NDFIP1: variants seen among roughly 807,000 people sequenced by gnomAD.
The protein encoded by NDFIP1 is NEDD4 family-interacting protein 1.
A neutral mutation model predicts 28.8 loss-of-function variants in NDFIP1; 7 were observed. That is an observed-to-expected ratio of 0.24 (90% CI 0.14 to 0.46). The LOEUF (loss-of-function observed/expected upper bound fraction) is 0.46, where lower values mean the gene tolerates loss of function less well. Among genes scored for constraint, NDFIP1 ranks in the 20% least tolerant of loss-of-function variants. NDFIP1 has a pLI of 0.99. For synonymous variants in NDFIP1, 92 were observed against 101.0 expected (o/e 0.91, Z 0.53); for missense variants, 194 against 269.1 (o/e 0.72, Z 1.95).
intron 1 of NDFIP1, among the ~76,000 whole-genome samples, chr5:142,116,308 A>G (rs987649296): frequency 3.3e-5 from 5 of 151,116 alleles, no homozygotes; most frequent in Admixed American, 2.6e-4. Context: ...CTTCATATGT[A>G]TATTTATTTA....
chr5:142,146,230 A>G (rs1385061325), intron 7 of NDFIP1, among the ~76,000 whole-genome samples: 1 of 152,228 alleles, frequency 6.6e-6, no homozygotes, highest in Non-Finnish European at 1.5e-5. Flanking sequence ...TTATTAAAAA[A>G]CAGGAATCTT....
intron 1 of NDFIP1, among the ~76,000 whole-genome samples, chr5:142,115,844 C>T (rs1460422524): frequency 1.3e-5 from 2 of 151,998 alleles, no homozygotes; most frequent in African/African-American, 4.8e-5. Flanking sequence ...CAGATTCAAC[C>T]AACTGCAGAT....
At chr5:142,150,005 C>A (rs958366196) in intron 7 of NDFIP1, among the ~76,000 whole-genome samples, 4 of 152,012 alleles carry the variant, frequency 2.6e-5, no homozygotes, top group Non-Finnish European at 5.9e-5. Context: ...CACAGTGAAA[C>A]CCCGTCTCTA....
rs191305750 is a variant in NDFIP1, at chr5:142,141,398, G to C, written c.562+769G>C. On this transcript the variant is annotated intron_variant, in intron 6 of 7. Coordinates refer to ENST00000253814, the MANE Select transcript of NDFIP1 (RefSeq NM_030571.4). Reference sequence around the variant, plus strand: ...TTACCGTGTTGGCCAGGATGGTCTCGATCTCCTGACTTTGTGATCCGCCCG... The same window carrying C: ...TTACCGTGTTGGCCAGGATGGTCTCCATCTCCTGACTTTGTGATCCGCCCG... Among the ~76,000 whole-genome samples the C allele has an allele frequency of 2.2e-4, 33 of 151,628 alleles. 1 individual carries two copies. The highest frequency in any genetic ancestry group is 6.3e-4 in the South Asian group (3 of 4,798).
intron 1 of NDFIP1, among the ~76,000 whole-genome samples, chr5:142,118,337 T>G (rs1449680549): frequency 4.6e-5 from 7 of 152,212 alleles, no homozygotes; most frequent in Non-Finnish European, 8.8e-5. Flanking sequence ...TCTCAAACTT[T>G]CCTTGTTTTT....
chr5:142,150,366 C>G (rs1757433435), intron 7 of NDFIP1, among the ~76,000 whole-genome samples: 1 of 151,706 alleles, frequency 6.6e-6, no homozygotes, highest in South Asian at 2.1e-4. Flanking sequence ...CGAGGTCTTT[C>G]AATCTCTTAT....
intron 6 of NDFIP1, among the ~76,000 whole-genome samples, chr5:142,141,249 C>T (rs1167924377): frequency 1.4e-5 from 2 of 138,386 alleles, no homozygotes; most frequent in African/African-American, 5.4e-5. Context: ...GATCTCGGCT[C>T]ACTGCAAGCT....
chr5:142,114,090 A>G (rs1028707221), intron 1 of NDFIP1, among the ~76,000 whole-genome samples: 3 of 152,220 alleles, frequency 2.0e-5, no homozygotes, highest in African/African-American at 7.2e-5. Context: ...TTGCTGGGTC[A>G]TACGGCAATT....
chr5:142,120,207 C>T (rs1375744343), intron 1 of NDFIP1, among the ~76,000 whole-genome samples: 2 of 152,210 alleles, frequency 1.3e-5, no homozygotes, highest in African/African-American at 2.4e-5. Flanking sequence ...CTGCCCACCT[C>T]AGCCTCCCAA....
intron 1 of NDFIP1, among the ~76,000 whole-genome samples, chr5:142,118,379 C>G (rs1438988463): frequency 3.3e-5 from 5 of 152,066 alleles, no homozygotes; most frequent in African/African-American, 4.8e-5. Flanking sequence ...GAGTATTGGT[C>G]AGGTCTTTGT....
At chr5:142,122,911 C>G (rs1028060991) in intron 1 of NDFIP1, among the ~76,000 whole-genome samples, 2 of 152,070 alleles carry the variant, frequency 1.3e-5, no homozygotes, top group Non-Finnish European at 2.9e-5. Flanking sequence ...TTTCTTTTCA[C>G]TTTCCTAATG....
At chr5:142,131,570 TAGG>T (rs1221963795) in intron 1 of NDFIP1, among the ~76,000 whole-genome samples, 2 of 152,236 alleles carry the variant, frequency 1.3e-5, no homozygotes, top group African/African-American at 4.8e-5. Flanking sequence ...GATTGGAATT[TAGG>T]TTGTTTCTAA....
intron 1 of NDFIP1, among the ~76,000 whole-genome samples, chr5:142,128,813 G>GT (rs1408219978): frequency 6.6e-6 from 1 of 152,128 alleles, no homozygotes; most frequent in African/African-American, 2.4e-5. Flanking sequence ...ACCTGGAAGT[G>GT]TTTTTTTCCT....
chr5:142,130,696 CA>C (rs11405616), intron 1 of NDFIP1, among the ~76,000 whole-genome samples: 37 of 145,582 alleles, frequency 2.5e-4, no homozygotes, highest in Admixed American at 3.4e-4. Context: ...CCTGTCTCTC[CA>C]AAAAAAAAAA....
At chr5:142,130,815 C>T (rs1374782596) in intron 1 of NDFIP1, among the ~76,000 whole-genome samples, 5 of 152,072 alleles carry the variant, frequency 3.3e-5, no homozygotes, top group African/African-American at 7.2e-5. Flanking sequence ...CAGTGTTGAA[C>T]TGTAAATGTC....
intron 1 of NDFIP1, among the ~76,000 whole-genome samples, chr5:142,114,740 A>G (rs1193887453): frequency 1.3e-5 from 2 of 152,176 alleles, no homozygotes; most frequent in African/African-American, 4.8e-5. Flanking sequence ...TGGAAACAGG[A>G]TTTGTCAGTG....
intron 1 of NDFIP1, among the ~76,000 whole-genome samples, chr5:142,120,030 A>T (rs1757107456): frequency 6.6e-6 from 1 of 152,178 alleles, no homozygotes; most frequent in Non-Finnish European, 1.5e-5. Context: ...ATCTCAGCTC[A>T]CTGCAATCTC....
rs151047527 is a variant in NDFIP1, at chr5:142,138,130, G to A, written c.495+272G>A. ...TTTTTAATGTTTATAATATGATAAT[G>A]TATATGTTCTGAAATTAGTTGTTTT... On this transcript the variant is annotated intron_variant, in intron 5 of 7. Transcript: ENST00000253814. The A allele has an allele frequency of 2.2e-4, 54 of 246,960 alleles. 1 individual carries two copies. Among genetic ancestry groups the A allele is most frequent in the African/African-American group, 1.2e-3 (52 of 44,912 alleles). 15.3% of individuals were successfully genotyped at this position (246,960 alleles called of 1,614,324 possible).
At chr5:142,123,376 C>T (rs1039201611) in intron 1 of NDFIP1, among the ~76,000 whole-genome samples, 2 of 152,178 alleles carry the variant, frequency 1.3e-5, no homozygotes, top group Non-Finnish European at 2.9e-5. Context: ...TCAAGCAGTC[C>T]TTCCACCTCA....
Sources: gnomAD v4.1 joint callset for allele counts (sites outside exome capture counted in the v4.1 genomes callset) on GRCh38, gnomAD v4.1.1 for gene constraint, MANE v1.5 for transcripts, NCBI Gene and HGNC (gene_info 2026-07-23, HGNC 2026-07-21) for gene names.